CELF2: variants seen among roughly 807,000 people sequenced by gnomAD.
The protein encoded by CELF2 is CUGBP Elav-like family member 2.
CELF2 carries 8 observed loss-of-function variants against 62.6 expected under a neutral mutation model. The ratio of observed to expected loss-of-function variants is 0.13; its 90% CI spans 0.07 to 0.23. The LOEUF (loss-of-function observed/expected upper bound fraction) is 0.23, where lower values mean the gene tolerates loss of function less well. CELF2 is among the 10% of genes least tolerant of loss of function. The probability of loss-of-function intolerance (pLI) is 1.00; values close to 1 mark genes in which losing one functional copy is unlikely to be tolerated. For missense variants in CELF2, 333 were observed against 671.0 expected (o/e 0.50, Z 5.56); for synonymous variants, 258 against 250.0 (o/e 1.03, Z -0.30).
the CELF2 span, among the ~76,000 whole-genome samples, chr10:10,498,029 G>A: frequency 5.3e-4 from 80 of 152,318 alleles, no homozygotes; most frequent in Non-Finnish European, 3.4e-4. Context: ...GAGGCGGGAA[G>A]AAGTGCTCTA....
intron 7 of CELF2, among the ~76,000 whole-genome samples, chr10:11,271,153 G>T (rs1289448540): frequency 1.3e-5 from 2 of 152,222 alleles, no homozygotes; most frequent in Non-Finnish European, 2.9e-5. Flanking sequence ...ATCCCTGTCA[G>T]GTCAGGGTCT....
chr10:11,190,616 TAA>T (rs969616995), intron 2 of CELF2, among the ~76,000 whole-genome samples: 2 of 146,424 alleles, frequency 1.4e-5, no homozygotes, highest in African/African-American at 5.1e-5. Context: ...ATTGTTCTTT[TAA>T]AAAAAAAAAA....
chr10:10,951,173 TG>T (rs990245543), intron 2 of CELF2, among the ~76,000 whole-genome samples: 45 of 152,318 alleles, frequency 3.0e-4, no homozygotes, highest in Admixed American at 2.4e-3. Context: ...TTTTTAGAGA[TG>T]GGGTCTCACT....
Position 10,919,972 on chromosome 10 carries a change from CCA to C in CELF2, c.65_66del (p.Thr22ArgfsTer9), listed in dbSNP as rs1162328804. 8.1e-7 allele frequency: 1 copy of C among 1,231,406 alleles called. No homozygotes were observed. The highest frequency in any genetic ancestry group is 1.0e-6 in the Non-Finnish European group (1 of 987,830). The allele number at this position is 1,231,406 out of a possible 1,614,324, so 76.3% of individuals were successfully genotyped here. On this transcript the variant is annotated frameshift_variant, in exon 2 of 14. Coordinates refer to the CELF2 transcript ENST00000636488. LOFTEE classifies it high-confidence loss of function. Reference sequence around the variant, plus strand: ...TTTTCTCCTTCCTGCAGAGAGACGGCCACAGAGTTAGCTGGGAGTCTACCAAG... The same window carrying C: ...TTTTCTCCTTCCTGCAGAGAGACGGCCAGAGTTAGCTGGGAGTCTACCAAG...
In CELF2 at chr10:11,244,379, C is replaced by T. The variant is rs531510344; in HGVS notation, c.355-4774C>T. Among the ~76,000 whole-genome samples the T allele has an allele frequency of 1.7e-4, 26 of 152,324 alleles. No individual in the cohort carries two copies. Among genetic ancestry groups the T allele is most frequent in the Non-Finnish European group, 3.7e-4 (25 of 68,024 alleles). ...TTTTTAACAACTTCCATTGGCCGGG[C>T]GTGGTGGCTCACGCCTATAATCCCA... On this transcript the variant is annotated intron_variant, in intron 3 of 12. Coordinates refer to ENST00000633077, the MANE Select transcript of CELF2 (RefSeq NM_001326342.2). This position sits in a 1 kb window ranked among gnomAD's most constrained non-coding sequence, Gnocchi z 4.2.
At chr10:10,560,452 A>G in the CELF2 span, among the ~76,000 whole-genome samples, 1 of 152,208 alleles carries the variant, frequency 6.6e-6, no homozygotes, top group Non-Finnish European at 1.5e-5. Context: ...CCAGCTTTCT[A>G]CCTGGCAGGA....
the CELF2 span, among the ~76,000 whole-genome samples, chr10:10,642,960 T>C: frequency 6.6e-6 from 1 of 152,220 alleles, no homozygotes; most frequent in Non-Finnish European, 1.5e-5. Context: ...AACAAGGACA[T>C]TCCTCATCTG....
intron 2 of CELF2, among the ~76,000 whole-genome samples, chr10:10,967,821 C>T (rs914883465): frequency 5.9e-5 from 9 of 152,116 alleles, no homozygotes; most frequent in Non-Finnish European, 1.2e-4. Flanking sequence ...AGGGTATGTC[C>T]TCCACATAGA....
chr10:10,973,949 G>A (rs77937195), intron 2 of CELF2, among the ~76,000 whole-genome samples: 2 of 152,180 alleles, frequency 1.3e-5, no homozygotes, highest in East Asian at 3.9e-4. Flanking sequence ...TCCATTTTTG[G>A]TACCTTTCCC....
At chr10:10,721,236 G>A in the CELF2 span, among the ~76,000 whole-genome samples, 2 of 152,202 alleles carry the variant, frequency 1.3e-5, no homozygotes, top group African/African-American at 2.4e-5. Flanking sequence ...TTTGGGCAGA[G>A]GTTTTGAAGT....
the CELF2 span, among the ~76,000 whole-genome samples, chr10:10,488,450 G>A: frequency 6.6e-6 from 1 of 152,070 alleles, no homozygotes; most frequent in East Asian, 1.9e-4. Context: ...GGTGATTTGT[G>A]GAGAATGCTT....
At chr10:11,054,925 G>C (rs970061939) in intron 1 of CELF2, among the ~76,000 whole-genome samples, 1 of 152,204 alleles carries the variant, frequency 6.6e-6, no homozygotes, top group African/African-American at 2.4e-5. Context: ...ATGTTGGCCA[G>C]ACTGGTCTTG....
rs934191744 is a variant in CELF2, at chr10:11,008,392, T to C, written c.53+2952T>C. 1.3e-5 allele frequency among the ~76,000 whole-genome samples: 2 copies of C among 152,226 alleles called. No individual in the cohort carries two copies. The highest frequency in any genetic ancestry group is 4.8e-5 in the African/African-American group (2 of 41,452). On this transcript the variant is annotated intron_variant, in intron 1 of 12. Transcript: ENST00000416382. This position sits in a 1 kb window ranked among gnomAD's most constrained non-coding sequence, Gnocchi z 4.5. ...CCCCTGTGTATGAATATTCCTTGAT[T>C]TGTTAAAATGAAACCAGACAGTTTT...
At chr10:11,041,645 T>TA (rs1422386474) in intron 1 of CELF2, among the ~76,000 whole-genome samples, 2 of 152,226 alleles carry the variant, frequency 1.3e-5, no homozygotes, top group East Asian at 3.8e-4. Context: ...TGAGTCAAGT[T>TA]ACATGAACTT....
chr10:10,597,997 CA>C, the CELF2 span, among the ~76,000 whole-genome samples: 2 of 152,116 alleles, frequency 1.3e-5, no homozygotes, highest in South Asian at 4.1e-4. Flanking sequence ...CCTCTTTGTG[CA>C]AAAGGCATAT....
chr10:10,748,413 C>T, the CELF2 span, among the ~76,000 whole-genome samples: 7 of 152,054 alleles, frequency 4.6e-5, no homozygotes, highest in Non-Finnish European at 7.4e-5. Flanking sequence ...AATTATGTTG[C>T]TTTCAGGAGA....
intron 1 of CELF2, among the ~76,000 whole-genome samples, chr10:10,828,160 T>TCCAGCAATTACA (rs2057561406): frequency 6.6e-6 from 1 of 152,174 alleles, no homozygotes; most frequent in Non-Finnish European, 1.5e-5. Context: ...CTTCTGGGTA[T>TCCAGCAATTACA]GTACCCAAAG....
chr10:10,653,043 C>T, the CELF2 span, among the ~76,000 whole-genome samples: 1 of 151,700 alleles, frequency 6.6e-6, no homozygotes, highest in Non-Finnish European at 1.5e-5. Flanking sequence ...AAATGGAAAA[C>T]AAAAAAAGGC....
intron 3 of CELF2, among the ~76,000 whole-genome samples, chr10:11,233,590 T>C (rs1422517137): frequency 5.9e-5 from 9 of 152,166 alleles, no homozygotes; most frequent in Non-Finnish European, 8.8e-5. Flanking sequence ...GTACTAAAAT[T>C]ACTATTAACC....
Sources: gnomAD v4.1 joint callset for allele counts (sites outside exome capture counted in the v4.1 genomes callset) on GRCh38, gnomAD v4.1.1 for gene constraint, Gnocchi (gnomAD v3.1) non-coding constraint, MANE v1.5 for transcripts, NCBI Gene and HGNC (gene_info 2026-07-23, HGNC 2026-07-21) for gene names.